The following EYS variants were observed in gnomAD, a reference collection of about 807,000 sequenced individuals.
The protein encoded by EYS is protein eyes shut homolog.
EYS carries 250 observed loss-of-function variants against 282.1 expected under a neutral mutation model. The ratio of observed to expected loss-of-function variants is 0.89; its 90% CI spans 0.80 to 0.98. The LOEUF (loss-of-function observed/expected upper bound fraction) is 0.98. Ranked by LOEUF, EYS falls within the 50% of genes least tolerant of loss-of-function variation. The pLI is 0.00. For missense variants in EYS, 4,016 were observed against 3,709.0 expected (o/e 1.08, Z -2.15); for synonymous variants, 1,355 against 1,282.9 (o/e 1.06, Z -1.20).
At chr6:65,511,055 T>A (rs1350071544) in intron 2 of EYS, among the ~76,000 whole-genome samples, 4 of 152,226 alleles carry the variant, frequency 2.6e-5, no homozygotes, top group Non-Finnish European at 5.9e-5. Context: ...GATATATTTG[T>A]TTTTAAATTT....
chr6:64,130,531 A>G (rs2150281217), intron 31 of EYS, among the ~76,000 whole-genome samples: 1 of 152,236 alleles, frequency 6.6e-6, no homozygotes, highest in Non-Finnish European at 1.5e-5. Flanking sequence ...ATGTTAAATG[A>G]CGAGTTAATG....
intron 31 of EYS, among the ~76,000 whole-genome samples, chr6:64,136,628 C>T (rs181237359): frequency 5.2e-4 from 79 of 152,154 alleles, no homozygotes; most frequent in African/African-American, 1.0e-3. Flanking sequence ...TGTAAATCTC[C>T]GTCAGAGCTC....
intron 36 of EYS, among the ~76,000 whole-genome samples, chr6:63,830,198 C>A (rs2149690638): frequency 6.6e-6 from 1 of 152,280 alleles, no homozygotes; most frequent in Admixed American, 6.5e-5. Context: ...AGCAACTGAA[C>A]AAAGCTGGAC....
intron 14 of EYS, among the ~76,000 whole-genome samples, chr6:64,990,268 C>A (rs1212450630): frequency 6.6e-6 from 1 of 151,262 alleles, no homozygotes; most frequent in African/African-American, 2.4e-5. Flanking sequence ...CACAACACAG[C>A]GGTTTTTAGA....
intron 13 of EYS, 107 bp from the exon 14 acceptor site, chr6:64,997,810 CAAAT>C (rs749903752): frequency 2.1e-6 from 2 of 934,386 alleles, no homozygotes; most frequent in Non-Finnish European, 1.5e-6. Context: ...CACTTTTAAC[CAAAT>C]AAAGTAAGAA....
At chr6:64,911,764 T>G (rs1767999307) in intron 16 of EYS, among the ~76,000 whole-genome samples, 1 of 152,138 alleles carries the variant, frequency 6.6e-6, no homozygotes, top group Non-Finnish European at 1.5e-5. Flanking sequence ...AGATGGTAAT[T>G]GCTTATGAGT....
chr6:65,512,377 T>C (rs933259659), intron 2 of EYS, among the ~76,000 whole-genome samples: 3 of 150,998 alleles, frequency 2.0e-5, no homozygotes, highest in African/African-American at 7.3e-5. Context: ...TAGTCCCAGC[T>C]ACTCAGGAGG....
chr6:64,470,907 A>C (rs1776104585), intron 26 of EYS, among the ~76,000 whole-genome samples: 1 of 152,128 alleles, frequency 6.6e-6, no homozygotes, highest in Admixed American at 6.5e-5. Context: ...GGCATAGAAA[A>C]CCTATTTAAC....
At chr6:64,805,753 ATAT>A (rs1764402960) in intron 22 of EYS, among the ~76,000 whole-genome samples, 1 of 151,368 alleles carries the variant, frequency 6.6e-6, no homozygotes, top group Non-Finnish European at 1.5e-5. Flanking sequence ...TTTGTTAATA[ATAT>A]TTGAAATATC....
rs374372586 is a variant in EYS at position 64,094,488 on chromosome 6, G to T, written c.6425-12486C>A. Among the ~76,000 whole-genome samples the T allele has an allele frequency of 9.9e-5, 15 of 152,256 alleles. No homozygotes were observed. In the East Asian group the frequency reaches 2.7e-3, roughly 27 times the overall value. ...TTCTTCCTGATTTAGTCTTGGGAGG[G>T]TGTATGTGTCGAGGAATTTATCCAT... On this transcript the variant is annotated intron_variant, in intron 31 of 42. Transcript: ENST00000503581.
intron 28 of EYS, among the ~76,000 whole-genome samples, chr6:64,393,600 C>G (rs1306871835): frequency 6.6e-6 from 1 of 152,138 alleles, no homozygotes; most frequent in Non-Finnish European, 1.5e-5. Flanking sequence ...GCTAAAAACT[C>G]TCAATAAATT....
At chr6:64,285,671 G>T (rs1019886593) in intron 30 of EYS, among the ~76,000 whole-genome samples, 2 of 152,166 alleles carry the variant, frequency 1.3e-5, no homozygotes, top group Non-Finnish European at 2.9e-5. Flanking sequence ...ATACTGGGAA[G>T]AAAAAGAGGT....
At chr6:65,263,781 T>G (rs2150260048) in intron 12 of EYS, among the ~76,000 whole-genome samples, 2 of 150,950 alleles carry the variant, frequency 1.3e-5, no homozygotes, top group Admixed American at 1.3e-4. Context: ...TAGCTTGCGC[T>G]TGTCAGTTAC....
At chr6:64,977,178 C>T (rs1300530306) in intron 14 of EYS, among the ~76,000 whole-genome samples, 3 of 151,974 alleles carry the variant, frequency 2.0e-5, no homozygotes, top group Non-Finnish European at 4.4e-5. Flanking sequence ...CAGGAATGAA[C>T]CACTGCACGT....
rs140644320 is a variant in EYS, at chr6:64,595,260, T to A, written c.3685-1951A>T. ...GAATATCACTTCATAATAAAAAGTC[T>A]CAACAAATTTGGCATTAAAAAATAC... On this transcript the variant is annotated intron_variant, in intron 24 of 42. Transcript: ENST00000503581. 2.7e-3 allele frequency among the ~76,000 whole-genome samples: 405 copies of A among 152,204 alleles called. 1 individual carries two copies. The highest frequency in any genetic ancestry group is 9.9e-3 in the South Asian group (48 of 4,826).
intron 33 of EYS, among the ~76,000 whole-genome samples, chr6:64,027,115 A>G (rs1237675797): frequency 6.6e-6 from 1 of 152,198 alleles, no homozygotes; most frequent in Non-Finnish European, 1.5e-5. Context: ...AGAAAGGGAC[A>G]AATTCCCTAC....
intron 12 of EYS, among the ~76,000 whole-genome samples, chr6:65,078,714 A>G (rs1200912110): frequency 6.6e-6 from 1 of 152,052 alleles, no homozygotes; most frequent in Admixed American, 6.6e-5. Flanking sequence ...CTAAGCATAA[A>G]GAACATTAAA....
chr6:64,654,250 T>C (rs1768669047), intron 22 of EYS, among the ~76,000 whole-genome samples: 1 of 152,220 alleles, frequency 6.6e-6, no homozygotes, highest in South Asian at 2.1e-4. Flanking sequence ...TTCAATTGTC[T>C]AATAAATTAA....
At chr6:65,142,479 AACACACACACACACAC>A (rs71268364) in intron 12 of EYS, among the ~76,000 whole-genome samples, 37 of 135,002 alleles carry the variant, frequency 2.7e-4, no homozygotes, top group African/African-American at 8.4e-4. Flanking sequence ...AGAAATACAA[AACACACACACACACAC>A]ACACACACAC....
Sources: gnomAD v4.1 joint callset for allele counts (sites outside exome capture counted in the v4.1 genomes callset) on GRCh38, gnomAD v4.1.1 for gene constraint, MANE v1.5 for transcripts, NCBI Gene and HGNC (gene_info 2026-07-23, HGNC 2026-07-21) for gene names.